The following CNTNAP2 variants were observed in gnomAD, a reference collection of about 807,000 sequenced individuals.
The protein encoded by CNTNAP2 is contactin-associated protein-like 2.
A neutral mutation model predicts 155.2 loss-of-function variants in CNTNAP2; 98 were observed. The ratio of observed to expected loss-of-function variants is 0.63; its 90% confidence interval spans 0.54 to 0.75. The LOEUF (loss-of-function observed/expected upper bound fraction) is 0.75. CNTNAP2 is among the 30% of genes least tolerant of loss of function. CNTNAP2 has a pLI of 0.00. For synonymous variants in CNTNAP2, 651 were observed against 631.2 expected, an observed-to-expected ratio of 1.03 and a Z score of -0.47; for missense variants, 1,727 against 1,688.1, an observed-to-expected ratio of 1.02 and a Z score of -0.40.
intron 12 of CNTNAP2, among the ~76,000 whole-genome samples, chr7:147,603,695 T>A (rs920494894): frequency 3.9e-5 from 6 of 152,134 alleles, no homozygotes; most frequent in African/African-American, 1.4e-4. Flanking sequence ...TACCAATGAC[T>A]TTCTTCACAG....
chr7:147,819,564 A>T (rs144511084), intron 13 of CNTNAP2, among the ~76,000 whole-genome samples: 1 of 152,320 alleles, frequency 6.6e-6, no homozygotes, highest in East Asian at 1.9e-4. Context: ...TAATTTTTAC[A>T]TCATGAAATG....
intron 9 of CNTNAP2, among the ~76,000 whole-genome samples, chr7:147,301,586 CTCTCTCTGTGTGTGTGTGTG>C (rs1563152213): frequency 1.6e-5 from 1 of 63,054 alleles, no homozygotes; most frequent in African/African-American, 1.2e-4. Context: ...CTCTCTCTCT[CTCTCTCTGTGTGTGTGTGTG>C]TGTGTGTGTG....
intron 1 of CNTNAP2, among the ~76,000 whole-genome samples, chr7:146,203,228 A>G (rs149222927): frequency 2.6e-5 from 4 of 152,326 alleles, no homozygotes; most frequent in Non-Finnish European, 4.4e-5. Flanking sequence ...TGGAGTTAGC[A>G]TCAGATCCCA....
intron 1 of CNTNAP2, among the ~76,000 whole-genome samples, chr7:146,749,037 G>T (rs1052185311): frequency 1.3e-5 from 2 of 152,010 alleles, no homozygotes; most frequent in Non-Finnish European, 2.9e-5. Context: ...CCATGTGTCA[G>T]GTATTATGAA....
intron 10 of CNTNAP2, among the ~76,000 whole-genome samples, chr7:147,467,133 A>G (rs1214553261): frequency 6.6e-6 from 1 of 152,168 alleles, no homozygotes; most frequent in Non-Finnish European, 1.5e-5. Context: ...TATTTGGGAG[A>G]GCAGAATGCA....
rs1349136323 is a variant in CNTNAP2 at position 147,802,143 on chromosome 7, G to A, written c.2099-101422G>A. On this transcript the variant is annotated intron_variant, in intron 13 of 23. Coordinates refer to ENST00000361727, the MANE Select transcript of CNTNAP2 (RefSeq NM_014141.6). ...CGCTCCTCACCTCCCAGACGGGGTC[G>A]CGGCCGGGCAGAGGCGCTCCTCACA... Among the ~76,000 whole-genome samples, 9 of 150,342 alleles carry A rather than the reference G, an allele frequency of 6.0e-5. 1 individual carries two copies. The highest frequency in any genetic ancestry group is 4.2e-4 in the South Asian group (2 of 4,726).
chr7:146,471,876 CT>C (rs577407140), intron 1 of CNTNAP2, among the ~76,000 whole-genome samples: 1 of 152,062 alleles, frequency 6.6e-6, no homozygotes, highest in Non-Finnish European at 1.5e-5. Context: ...CCATAAATCA[CT>C]TTTTTTGTGG....
chr7:147,144,072 C>T (rs191810089), intron 8 of CNTNAP2, among the ~76,000 whole-genome samples: 16 of 152,180 alleles, frequency 1.1e-4, no homozygotes, highest in Admixed American at 4.6e-4. Flanking sequence ...TACTTGAGAT[C>T]TCAGATCTCT....
chr7:146,593,207 GAA>G (rs922103678), intron 1 of CNTNAP2, among the ~76,000 whole-genome samples: 17 of 151,534 alleles, frequency 1.1e-4, no homozygotes, highest in African/African-American at 3.6e-4. Context: ...GTGATACCCT[GAA>G]AGTCTTCCCA....
chr7:146,933,610 C>G (rs1014209549), intron 3 of CNTNAP2, among the ~76,000 whole-genome samples: 59 of 147,550 alleles, frequency 4.0e-4, no homozygotes, highest in African/African-American at 1.4e-3. Flanking sequence ...AACTAAAGAG[C>G]TTCTGCACAG....
chr7:147,690,899 CT>C (rs1413902005), intron 13 of CNTNAP2, among the ~76,000 whole-genome samples: 1 of 152,048 alleles, frequency 6.6e-6, no homozygotes, highest in Non-Finnish European at 1.5e-5. Flanking sequence ...ATACTTCCCC[CT>C]ACTCTGCCTC....
At chr7:146,184,060 C>CCATAT (rs1798588716) in intron 1 of CNTNAP2, among the ~76,000 whole-genome samples, 2 of 152,118 alleles carry the variant, frequency 1.3e-5, no homozygotes, top group Admixed American at 1.3e-4. Context: ...TCCCTTTCTT[C>CCATAT]CATATGCCCA....
chr7:147,127,808 T>G (rs1475325794), intron 6 of CNTNAP2, among the ~76,000 whole-genome samples: 3 of 152,158 alleles, frequency 2.0e-5, no homozygotes, highest in African/African-American at 4.8e-5. Context: ...TAATATTGTA[T>G]GATAATTTAA....
At chr7:147,769,833 T>G (rs1353353684) in intron 13 of CNTNAP2, among the ~76,000 whole-genome samples, 1 of 152,162 alleles carries the variant, frequency 6.6e-6, no homozygotes. Context: ...TTACACGGCA[T>G]GCTGTGGCAT....
intron 1 of CNTNAP2, among the ~76,000 whole-genome samples, chr7:146,556,425 TAGG>T (rs1798198756): frequency 6.6e-6 from 1 of 152,194 alleles, no homozygotes; most frequent in African/African-American, 2.4e-5. Flanking sequence ...ACAGTTCTGA[TAGG>T]AGGGGTAATA....
intron 15 of CNTNAP2, among the ~76,000 whole-genome samples, chr7:148,036,093 C>T (rs1475226041): frequency 6.6e-6 from 1 of 152,276 alleles, no homozygotes; most frequent in East Asian, 1.9e-4. Context: ...ACTTCACAGG[C>T]TCATAGCTAG....
At chr7:148,240,456 C>G (rs1222583149) in intron 20 of CNTNAP2, among the ~76,000 whole-genome samples, 2 of 152,134 alleles carry the variant, frequency 1.3e-5, no homozygotes, top group Non-Finnish European at 2.9e-5. Context: ...GATAAGGACA[C>G]AGCACGTAAC....
At chr7:148,082,528 T>G (rs1249329622) in intron 15 of CNTNAP2, among the ~76,000 whole-genome samples, 3 of 152,000 alleles carry the variant, frequency 2.0e-5, no homozygotes, top group Admixed American at 2.0e-4. Flanking sequence ...AGGCATCAAA[T>G]AAAGCTGATG....
At chr7:147,308,765 G>A (rs115790517) in intron 9 of CNTNAP2, among the ~76,000 whole-genome samples, 8 of 152,200 alleles carry the variant, frequency 5.3e-5, no homozygotes, top group Admixed American at 1.3e-4. Flanking sequence ...AATTCCCAGC[G>A]TCCTGTCTCT....
Sources: gnomAD v4.1 joint callset for allele counts (sites outside exome capture counted in the v4.1 genomes callset) on GRCh38, gnomAD v4.1.1 for gene constraint, MANE v1.5 for transcripts, NCBI Gene and HGNC (gene_info 2026-07-23, HGNC 2026-07-21) for gene names.